The following ZMAT4 variants were observed in gnomAD, a reference collection of about 807,000 sequenced individuals.
ZMAT4 encodes zinc finger matrin-type protein 4.
In ZMAT4, 17 loss-of-function variants were observed where a neutral mutation model predicts 28.7. The ratio of observed to expected loss-of-function variants is 0.59; its 90% confidence interval spans 0.41 to 0.89. The LOEUF is 0.89. Ranked by LOEUF, ZMAT4 falls within the 40% of genes least tolerant of loss-of-function variation. The pLI is 0.00. For missense variants in ZMAT4, 240 were observed against 283.8 expected (o/e 0.85, Z 1.11); for synonymous variants, 117 against 109.2 (o/e 1.07, Z -0.44).
At chr8:40,533,638 T>G (rs1035768803) in intron 6 of ZMAT4, among the ~76,000 whole-genome samples, 1 of 152,234 alleles carries the variant, frequency 6.6e-6, no homozygotes, top group African/African-American at 2.4e-5. Flanking sequence ...TCATAGAATA[T>G]TCTTAGGATC....
chr8:40,536,716 G>A lies in ZMAT4; in HGVS notation c.675-4478C>T, dbSNP rs559247599. On this transcript the variant is annotated intron_variant, in intron 6 of 6. Coordinates refer to ENST00000297737, the MANE Select transcript of ZMAT4 (RefSeq NM_024645.3). ...GGTGGAAACCTGCTTCTTCCAGATCGTGTTTCCTGAATTTACCCTGACACA... is the reference window on the plus strand; with the variant it reads ...GGTGGAAACCTGCTTCTTCCAGATCATGTTTCCTGAATTTACCCTGACACA... 1.2e-3 allele frequency among the ~76,000 whole-genome samples: 190 copies of A among 152,040 alleles called. 1 individual carries two copies. Among genetic ancestry groups the A allele is most frequent in the Non-Finnish European group, 2.3e-3 (159 of 67,984 alleles).
chr8:40,731,448 CA>C (rs1465525585), intron 3 of ZMAT4, among the ~76,000 whole-genome samples: 2 of 151,720 alleles, frequency 1.3e-5, no homozygotes, highest in East Asian at 3.9e-4. Context: ...CAGACAAAAA[CA>C]ATAACAAGAA....
chr8:40,792,102 T>C (rs1029556132), intron 2 of ZMAT4, among the ~76,000 whole-genome samples: 2 of 152,198 alleles, frequency 1.3e-5, no homozygotes, highest in Admixed American at 1.3e-4. Flanking sequence ...TAATTTTGTA[T>C]TTCCTTACCT....
intron 3 of ZMAT4, among the ~76,000 whole-genome samples, chr8:40,745,550 G>A (rs1004567714): frequency 6.6e-6 from 1 of 152,130 alleles, no homozygotes; most frequent in African/African-American, 2.4e-5. Flanking sequence ...AGTTTACAAG[G>A]TCCTTTCCCA....
At chr8:40,716,555 G>T (rs1016075401) in intron 3 of ZMAT4, among the ~76,000 whole-genome samples, 1 of 152,180 alleles carries the variant, frequency 6.6e-6, no homozygotes, top group African/African-American at 2.4e-5. Context: ...AGCTGGGTGT[G>T]GTGGTGCATG....
At chr8:40,781,301 C>T (rs2150571921) in intron 2 of ZMAT4, among the ~76,000 whole-genome samples, 1 of 152,236 alleles carries the variant, frequency 6.6e-6, no homozygotes, top group East Asian at 1.9e-4. Flanking sequence ...TAGGAACAAG[C>T]TGATTCTAAA....
chr8:40,566,001 T>C (rs1057422620), intron 6 of ZMAT4, among the ~76,000 whole-genome samples: 1 of 152,140 alleles, frequency 6.6e-6, no homozygotes, highest in South Asian at 2.1e-4. Context: ...GTTTAGGCGT[T>C]TTAAAAATTA....
chr8:40,723,813 A>T (rs2150520112), intron 3 of ZMAT4, among the ~76,000 whole-genome samples: 1 of 152,212 alleles, frequency 6.6e-6, no homozygotes, highest in East Asian at 1.9e-4. Context: ...TTTGTCTTGG[A>T]GAAAGGTGCT....
rs1160209208 is a variant in ZMAT4 at position 40,531,668 on chromosome 8, G to A, written c.*555C>T. The A allele has an allele frequency of 6.6e-6, 1 of 152,556 alleles. No homozygotes were observed. The highest frequency in any genetic ancestry group is 1.5e-5 in the Non-Finnish European group (1 of 68,056). The allele number at this position is 152,556 out of a possible 1,614,324, so 9.5% of individuals were successfully genotyped here. On this transcript the variant is annotated 3_prime_UTR_variant, in exon 7 of 7. Transcript: ENST00000297737. The stretch of plus-strand genomic sequence containing the variant: ...CTCCCTTCGTCTTCATTGTTCAGAT[G>A]GTAAACCTGGCTCCTGTGCTTGGAG...
chr8:40,636,211 T>C (rs1806785786), intron 5 of ZMAT4, among the ~76,000 whole-genome samples: 1 of 152,226 alleles, frequency 6.6e-6, no homozygotes, highest in African/African-American at 2.4e-5. Flanking sequence ...CATACACATA[T>C]ACATACACAC....
At chr8:40,812,992 TAAAA>T (rs1815388490) in intron 2 of ZMAT4, among the ~76,000 whole-genome samples, 4 of 148,022 alleles carry the variant, frequency 2.7e-5, no homozygotes, top group African/African-American at 1.0e-4. Flanking sequence ...AATTAAAAAA[TAAAA>T]ATATATATAT....
At chr8:40,646,180 C>T (rs1807305149) in intron 5 of ZMAT4, among the ~76,000 whole-genome samples, 1 of 151,758 alleles carries the variant, frequency 6.6e-6, no homozygotes, top group South Asian at 2.1e-4. Flanking sequence ...ATTAATGTAA[C>T]TACTAAGATG....
chr8:40,874,065 A>G (rs1485906201), intron 1 of ZMAT4, among the ~76,000 whole-genome samples: 1 of 152,184 alleles, frequency 6.6e-6, no homozygotes, highest in Non-Finnish European at 1.5e-5. Context: ...CCAGGAACAC[A>G]CACTCAAGCA....
intron 1 of ZMAT4, among the ~76,000 whole-genome samples, chr8:40,871,038 G>T (rs1419610672): frequency 6.6e-6 from 1 of 152,122 alleles, no homozygotes; most frequent in East Asian, 1.9e-4. Flanking sequence ...GAAGTTGCTT[G>T]ACGAATGAGA....
chr8:40,662,581 G>T (rs1049095153), intron 5 of ZMAT4, among the ~76,000 whole-genome samples: 1 of 152,128 alleles, frequency 6.6e-6, no homozygotes, highest in African/African-American at 2.4e-5. Context: ...TTTAGAGAGT[G>T]TTCCATTTAT....
At chr8:40,784,470 C>A (rs547104852) in intron 2 of ZMAT4, among the ~76,000 whole-genome samples, 2 of 152,018 alleles carry the variant, frequency 1.3e-5, no homozygotes, top group East Asian at 3.9e-4. Context: ...ATACTTAATA[C>A]GGAAATATTG....
chr8:40,862,583 T>TAAAAAAAAAAAAAAAAAA (rs1404319425), intron 1 of ZMAT4, among the ~76,000 whole-genome samples: 1 of 53,332 alleles, frequency 1.9e-5, no homozygotes. Context: ...AAAAAAAAAA[T>TAAAAAAAAAAAAAAAAAA]TAAAAAAAAA....
At chr8:40,659,769 G>C (rs1285551751) in intron 5 of ZMAT4, among the ~76,000 whole-genome samples, 2 of 152,154 alleles carry the variant, frequency 1.3e-5, no homozygotes, top group Non-Finnish European at 2.9e-5. Context: ...CTGAGGCCCA[G>C]AGAGATGAAG....
chr8:40,629,165 G>T (rs191718371), intron 5 of ZMAT4, among the ~76,000 whole-genome samples: 1 of 150,660 alleles, frequency 6.6e-6, no homozygotes, highest in African/African-American at 2.4e-5. Flanking sequence ...TTTTATTTCT[G>T]CATTTTAAGA....
Sources: allele counts gnomAD v4.1 joint callset (sites outside exome capture counted in the v4.1 genomes callset), GRCh38; gene constraint gnomAD v4.1.1; transcripts MANE v1.5; gene names NCBI Gene and HGNC (gene_info 2026-07-23, HGNC 2026-07-21).